Variants in HIVEP2 observed in about 807,000 individuals in gnomAD.
HIVEP2 encodes transcription factor HIVEP2.
Under a neutral mutation model 180.7 loss-of-function variants are expected in HIVEP2, and 14 were observed. That is an observed-to-expected ratio of 0.08 (90% CI 0.05 to 0.12). The LOEUF (loss-of-function observed/expected upper bound fraction) is 0.12. Among genes scored for constraint, HIVEP2 ranks in the 10% least tolerant of loss-of-function variants. The probability of loss-of-function intolerance (pLI) is 1.00; values close to 1 mark genes in which losing one functional copy is unlikely to be tolerated. For missense variants in HIVEP2, 2,579 were observed against 3,008.5 expected, an observed-to-expected ratio of 0.86 and a Z score of 3.34; for synonymous variants, 1,184 against 1,136.4, an observed-to-expected ratio of 1.04 and a Z score of -0.84.
chr6:142,792,538 C>T (rs1007762981), intron 2 of HIVEP2, among the ~76,000 whole-genome samples: 2 of 152,032 alleles, frequency 1.3e-5, no homozygotes, highest in Non-Finnish European at 2.9e-5. Flanking sequence ...GGAAGGGGAA[C>T]ATCACACACC....
intron 2 of HIVEP2, among the ~76,000 whole-genome samples, chr6:142,835,339 G>A (rs1330957621): frequency 1.3e-5 from 2 of 152,154 alleles, no homozygotes; most frequent in Non-Finnish European, 2.9e-5. Context: ...ATTCTCAGGA[G>A]GCACTGATAA....
chr6:142,908,893 A>G (rs1011939893), intron 1 of HIVEP2, among the ~76,000 whole-genome samples: 4 of 151,688 alleles, frequency 2.6e-5, no homozygotes, highest in Non-Finnish European at 5.9e-5. Flanking sequence ...AATTCTACAC[A>G]ACGAATTAAA....
chr6:142,836,163 T>C (rs1775216815), intron 2 of HIVEP2, among the ~76,000 whole-genome samples: 1 of 152,210 alleles, frequency 6.6e-6, no homozygotes, highest in Non-Finnish European at 1.5e-5. Flanking sequence ...TTTCCAATTT[T>C]TCTTTACTGT....
intron 1 of HIVEP2, among the ~76,000 whole-genome samples, chr6:142,868,696 T>C (rs1000032069): frequency 3.3e-5 from 5 of 152,200 alleles, no homozygotes; most frequent in African/African-American, 1.2e-4. Flanking sequence ...TCCAGATCAT[T>C]ATTATAAATT....
In HIVEP2 at chr6:142,822,741, A is replaced by G. The variant is rs191647936; in HGVS notation, c.-528+14194T>C. Among the ~76,000 whole-genome samples, 36 of 152,284 alleles carry G rather than the reference A, an allele frequency of 2.4e-4. 1 individual carries two copies. In the East Asian group the frequency reaches 5.0e-3, roughly 21 times the overall value. On this transcript the variant is annotated intron_variant, in intron 2 of 9. Coordinates refer to ENST00000367603, the MANE Select transcript of HIVEP2 (RefSeq NM_006734.4). ...GCTCCCTCCACAGAGAAGATTCACA[A>G]AGAGAAATAAAGCAATTCCTATTCT...
chr6:142,928,140 G>T (rs1044381831), intron 1 of HIVEP2, among the ~76,000 whole-genome samples: 4 of 152,180 alleles, frequency 2.6e-5, no homozygotes, highest in Admixed American at 2.6e-4. Context: ...CCACTCTAGC[G>T]CAAGACTTCG....
chr6:142,812,741 T>C (rs1217022924), intron 2 of HIVEP2, among the ~76,000 whole-genome samples: 1 of 152,162 alleles, frequency 6.6e-6, no homozygotes, highest in Non-Finnish European at 1.5e-5. Flanking sequence ...AACTAAAGAA[T>C]GGCTGTGTTA....
At chr6:142,862,592 CATAT>C (rs1176364500) in intron 1 of HIVEP2, among the ~76,000 whole-genome samples, 1 of 144,484 alleles carries the variant, frequency 6.9e-6, no homozygotes, top group East Asian at 2.0e-4. Flanking sequence ...TTTTATAATA[CATAT>C]AATCGATTCA....
At chr6:142,860,951 G>C (rs988669246) in intron 1 of HIVEP2, among the ~76,000 whole-genome samples, 2 of 152,162 alleles carry the variant, frequency 1.3e-5, no homozygotes, top group South Asian at 2.1e-4. Context: ...CTTATTTAAT[G>C]TTGGAAAAAC....
intron 2 of HIVEP2, among the ~76,000 whole-genome samples, chr6:142,836,033 A>T (rs1002881282): frequency 1.2e-4 from 18 of 152,330 alleles, no homozygotes; most frequent in African/African-American, 4.3e-4. Context: ...AGGTTTTAAA[A>T]TAGCTCCAGT....
chr6:142,858,815 A>T (rs891156895), intron 1 of HIVEP2, among the ~76,000 whole-genome samples: 2 of 151,904 alleles, frequency 1.3e-5, no homozygotes, highest in Non-Finnish European at 2.9e-5. Context: ...GCTGGTCTCA[A>T]ACTCCTGACC....
intron 1 of HIVEP2, among the ~76,000 whole-genome samples, chr6:142,915,764 C>T (rs1283245701): frequency 6.6e-6 from 1 of 152,138 alleles, no homozygotes. Context: ...TACACCCTCT[C>T]ATCCACTACA....
At chr6:142,878,250 C>T (rs769690330) in intron 1 of HIVEP2, among the ~76,000 whole-genome samples, 5 of 152,106 alleles carry the variant, frequency 3.3e-5, no homozygotes, top group Non-Finnish European at 7.4e-5. Flanking sequence ...TCTAAAATCA[C>T]GTTAACACAG....
At chr6:142,937,512 T>G (rs1235465830) in intron 1 of HIVEP2, among the ~76,000 whole-genome samples, 1 of 152,080 alleles carries the variant, frequency 6.6e-6, no homozygotes, top group African/African-American at 2.4e-5. Flanking sequence ...TTCCCCCAGG[T>G]GGTGGTGGAG....
chr6:142,856,564 TC>T (rs1562266375), intron 1 of HIVEP2, among the ~76,000 whole-genome samples: 1 of 152,226 alleles, frequency 6.6e-6, no homozygotes, highest in Non-Finnish European at 1.5e-5. Flanking sequence ...ACTGCCTGGA[TC>T]AAGCACTGAA....
chr6:142,791,504 G>A (rs1776137608), intron 2 of HIVEP2, among the ~76,000 whole-genome samples: 1 of 152,122 alleles, frequency 6.6e-6, no homozygotes. Context: ...TGCCTACAAA[G>A]TTTAAGGCTA....
At chr6:142,812,332 G>A (rs76228530) in intron 2 of HIVEP2, among the ~76,000 whole-genome samples, 5 of 152,180 alleles carry the variant, frequency 3.3e-5, no homozygotes, top group African/African-American at 1.2e-4. Flanking sequence ...GTTCCCAACA[G>A]CCGGAGGGGA....
chr6:142,761,320 T>C (rs1775229985), intron 8 of HIVEP2, 144 bp downstream of exon 8: 12 of 519,518 alleles, frequency 2.3e-5, no homozygotes, highest in South Asian at 1.6e-4. Context: ...ATTCAATGTG[T>C]CAGTTTTATT....
At chr6:142,815,978 A>G (rs1203225937) in intron 2 of HIVEP2, among the ~76,000 whole-genome samples, 2 of 152,222 alleles carry the variant, frequency 1.3e-5, no homozygotes, top group Non-Finnish European at 2.9e-5. Context: ...ATTGGACAAT[A>G]GAGAGGATTT....
Sources: gnomAD v4.1 joint callset for allele counts (sites outside exome capture counted in the v4.1 genomes callset) on GRCh38, gnomAD v4.1.1 for gene constraint, MANE v1.5 for transcripts, NCBI Gene and HGNC (gene_info 2026-07-23, HGNC 2026-07-21) for gene names.